SHE: variants seen among roughly 807,000 people sequenced by gnomAD.
The protein encoded by SHE is SH2 domain-containing adapter protein E.
In SHE, 11 loss-of-function variants were observed where a neutral mutation model predicts 49.8. That is an observed-to-expected ratio of 0.22 (90% CI 0.14 to 0.37). The LOEUF (loss-of-function observed/expected upper bound fraction) is 0.37. SHE is among the 10% of genes least tolerant of loss of function. The probability of loss-of-function intolerance (pLI) is 1.00; values close to 1 mark genes in which losing one functional copy is unlikely to be tolerated. For synonymous variants in SHE, 310 were observed against 278.1 expected (o/e 1.11, Z -1.14); for missense variants, 624 against 655.5 (o/e 0.95, Z 0.52).
chr1:154,470,087 G>A, exon 2 of SHE: 3 of 340,466 alleles, frequency 8.8e-6, no homozygotes, highest in South Asian at 6.7e-5. Flanking sequence ...CACCTGGGCA[G>A]TCAGAGGAAA....
chr1:154,488,589 T>A (rs1692257806), intron 3 of SHE, among the ~76,000 whole-genome samples: 1 of 151,230 alleles, frequency 6.6e-6, no homozygotes, highest in Non-Finnish European at 1.5e-5. Context: ...ATGTATTTAG[T>A]TACTTATTAT....
intron 2 of SHE, among the ~76,000 whole-genome samples, chr1:154,494,679 G>C (rs948506061): frequency 6.6e-6 from 1 of 152,116 alleles, no homozygotes; most frequent in Non-Finnish European, 1.5e-5. Flanking sequence ...ACAGCTTGCT[G>C]AATGACATGG....
rs768339177 is a variant in SHE, at chr1:154,499,035, T to C, written c.718+77A>G. 18 of 1,537,364 alleles carry C rather than the reference T, an allele frequency of 1.2e-5. No homozygotes were observed. The East Asian group carries it at 2.3e-4, about 19-fold the overall frequency. ...AAATTGCTTTATCCCTCTTCCCCAATAGACACCGGTTACTATATTACAACA... is the reference window on the plus strand; with the variant it reads ...AAATTGCTTTATCCCTCTTCCCCAACAGACACCGGTTACTATATTACAACA... On this transcript the variant is annotated intron_variant, in intron 2 of 5. Transcript: ENST00000304760.
At chr1:154,495,416 T>C (rs1403149803) in intron 2 of SHE, among the ~76,000 whole-genome samples, 1 of 152,186 alleles carries the variant, frequency 6.6e-6, no homozygotes. Context: ...TTTGGATAAA[T>C]CTCAGTGATA....
intron 3 of SHE, among the ~76,000 whole-genome samples, 178 bp from the exon 4 acceptor site, chr1:154,486,861 T>C (rs923337839): frequency 3.9e-5 from 6 of 152,380 alleles, no homozygotes; most frequent in Admixed American, 2.6e-4. Flanking sequence ...CTTTGATATC[T>C]GATCACACTG....
chr1:154,497,483 A>G (rs1015734819), intron 2 of SHE, among the ~76,000 whole-genome samples: 1 of 152,220 alleles, frequency 6.6e-6, no homozygotes, highest in South Asian at 2.1e-4. Flanking sequence ...AAATAAATCT[A>G]TATTATTTTT....
At position 154,483,170 on chromosome 1, in the gene SHE, G is replaced by A; in HGVS notation, c.*979C>T. The A allele has an allele frequency of 1.0e-6, 1 of 985,094 alleles. No individual in the cohort carries two copies. The highest frequency in any genetic ancestry group is 1.2e-6 in the Non-Finnish European group (1 of 829,864). The allele number at this position is 985,094 out of a possible 1,614,324, so 61.0% of individuals were successfully genotyped here. ...TGATATTGGTGATTCTTAAACCTGGGGTATCTTCCTTCCTATTTATGCTTA... is the reference window on the plus strand; with the variant it reads ...TGATATTGGTGATTCTTAAACCTGGAGTATCTTCCTTCCTATTTATGCTTA... On this transcript the variant is annotated 3_prime_UTR_variant, in exon 6 of 6. Transcript: ENST00000304760.
chr1:154,473,623 CA>C (rs901244856), intron 1 of SHE, among the ~76,000 whole-genome samples: 4 of 151,882 alleles, frequency 2.6e-5, no homozygotes, highest in Non-Finnish European at 5.9e-5. Context: ...GCCAACATGG[CA>C]AAACCCTGTC....
At chr1:154,490,660 A>G (rs1692333392) in intron 2 of SHE, among the ~76,000 whole-genome samples, 1 of 152,244 alleles carries the variant, frequency 6.6e-6, no homozygotes, top group African/African-American at 2.4e-5. Flanking sequence ...CCAGAAGGCC[A>G]CAAAGGAGAG....
At chr1:154,484,537 T>C (rs913930111) in intron 5 of SHE, 11 of 507,512 alleles carry the variant, frequency 2.2e-5, no homozygotes, top group African/African-American at 2.1e-4. Context: ...TTGAGTGGTT[T>C]ATCCTTATCA....
In SHE at chr1:154,489,248, C is replaced by G; in HGVS notation, c.827G>C (p.Arg276Thr). Residue 276 changes from arginine to threonine, a missense_variant, in exon 3 of 6, where the codon AGA becomes ACA. Coordinates refer to ENST00000304760, the MANE Select transcript of SHE (RefSeq NM_001010846.3). Reference sequence around the variant, plus strand: ...CCCCAGGAGGTCCTTGGAACTCCGTCTTTTGGCCAAGGTCTCTGATTTCAG... The same window carrying G: ...CCCCAGGAGGTCCTTGGAACTCCGTGTTTTGGCCAAGGTCTCTGATTTCAG... ...GGLKSETLAK[R>T]RSSKDLLGKP... 1 of 1,614,212 alleles carries G rather than the reference C, an allele frequency of 6.2e-7. No homozygotes were observed. The highest frequency in any genetic ancestry group is 8.5e-7 in the Non-Finnish European group (1 of 1,180,040).
chr1:154,488,927 C>T (rs1692270238), intron 3 of SHE, 124 bp downstream of exon 3: 1 of 1,302,622 alleles, frequency 7.7e-7, no homozygotes, highest in Non-Finnish European at 1.0e-6. Flanking sequence ...ATTTCCAAAA[C>T]AGTTGCACAT....
downstream of SHE, among the ~76,000 whole-genome samples, chr1:154,477,487 T>C (rs1691905877): frequency 6.6e-6 from 1 of 152,076 alleles, no homozygotes; most frequent in East Asian, 1.9e-4. Flanking sequence ...ATTACAGGCA[T>C]AAGCCACTAC....
At chr1:154,492,647 A>C (rs959277551) in intron 2 of SHE, among the ~76,000 whole-genome samples, 1 of 152,030 alleles carries the variant, frequency 6.6e-6, no homozygotes, top group Non-Finnish European at 1.5e-5. Flanking sequence ...ACAAAAACAT[A>C]CTCTGTTCTT....
At chr1:154,471,206 C>T (rs1334268529) in intron 1 of SHE, among the ~76,000 whole-genome samples, 1 of 151,998 alleles carries the variant, frequency 6.6e-6, no homozygotes, top group Admixed American at 6.6e-5. Flanking sequence ...TTCCCATCTT[C>T]TGCAGGTGTA....
rs965010882 is a variant in SHE at position 154,471,040 on chromosome 1, A to G, written c.103-678T>C. Among the ~76,000 whole-genome samples, 17 of 151,978 alleles carry G rather than the reference A, an allele frequency of 1.1e-4. No homozygotes were observed. In the South Asian group the frequency reaches 1.7e-3, roughly 15 times the overall value. ...CAAAAAAAAAAAAACACAAAAAAAA[A>G]ATAAAAGAAAGGTTCAAATGCAGCA... On this transcript the variant is annotated intron_variant, in intron 1 of 1. Transcript: ENST00000486773.
Position 154,482,595 on chromosome 1 carries a change from C to T in SHE, c.*1554G>A. 3 of 985,398 alleles carry T rather than the reference C, an allele frequency of 3.0e-6. No homozygotes were observed. Among genetic ancestry groups the T allele is most frequent in the Non-Finnish European group, 3.6e-6 (3 of 829,932 alleles). 61.0% of individuals were successfully genotyped at this position (985,398 alleles called of 1,614,324 possible). On this transcript the variant is annotated 3_prime_UTR_variant, in exon 6 of 6. Transcript: ENST00000304760. ...ATTTGCATATGGGGCAGTTTTGAGA[C>T]CCAAATGACCAACCCCAGAATACAG...
chr1:154,475,901 A>T (rs1169057693), downstream of SHE, among the ~76,000 whole-genome samples: 3 of 152,066 alleles, frequency 2.0e-5, no homozygotes, highest in African/African-American at 7.2e-5. Context: ...ACCTCAAGTG[A>T]TCTGCCTGCG....
Position 154,482,830 on chromosome 1 carries a change from T to G in SHE, c.*1319A>C, listed in dbSNP as rs370883194. The G allele has an allele frequency of 1.0e-6, 1 of 985,472 alleles. No individual in the cohort carries two copies. The allele number at this position is 985,472 out of a possible 1,614,324, so 61.0% of individuals were successfully genotyped here. ...CACTTCTGTATAGTACAAGGCAGTC[T>G]GCTTGGTACAGAACGAGAGAATCTT... On this transcript the variant is annotated 3_prime_UTR_variant, in exon 6 of 6. Coordinates refer to ENST00000304760, the MANE Select transcript of SHE (RefSeq NM_001010846.3).
Sources: gnomAD v4.1 joint callset for allele counts (sites outside exome capture counted in the v4.1 genomes callset) on GRCh38, gnomAD v4.1.1 for gene constraint, MANE v1.5 for transcripts, NCBI Gene and HGNC (gene_info 2026-07-23, HGNC 2026-07-21) for gene names.